VPS35L: variants seen among roughly 807,000 people sequenced by gnomAD.
VPS35L encodes VPS35 endosomal protein sorting factor like.
A neutral mutation model predicts 133.0 loss-of-function variants in VPS35L; 83 were observed. The ratio of observed to expected loss-of-function variants is 0.62; its 90% CI spans 0.52 to 0.75. The LOEUF is 0.75. VPS35L is among the 30% of genes least tolerant of loss of function. The pLI is 0.00. For synonymous variants in VPS35L, 423 were observed against 449.9 expected (o/e 0.94, Z 0.76); for missense variants, 1,083 against 1,206.8 (o/e 0.90, Z 1.52).
intron 27 of VPS35L, among the ~76,000 whole-genome samples, chr16:19,672,952 A>G (rs1361254452): frequency 6.6e-6 from 1 of 152,222 alleles, no homozygotes; most frequent in Non-Finnish European, 1.5e-5. Context: ...GTTAAAAATC[A>G]CTGGAGCCTT....
chr16:19,697,603 A>T (rs182187567), intron 29 of VPS35L, among the ~76,000 whole-genome samples: 1 of 152,208 alleles, frequency 6.6e-6, no homozygotes, highest in Admixed American at 6.5e-5. Context: ...CGCCATGTGA[A>T]TTATCTGTGG....
chr16:19,555,863 C>G, intron 1 of VPS35L, 117 bp downstream of exon 1: 3 of 1,397,830 alleles, frequency 2.1e-6, no homozygotes, highest in Non-Finnish European at 2.9e-6. Flanking sequence ...CGACCGGCCA[C>G]CCCCAAGTTG....
chr16:19,677,233 T>TTTTATATA (rs2151612955), intron 27 of VPS35L, among the ~76,000 whole-genome samples: 2 of 151,910 alleles, frequency 1.3e-5, no homozygotes, highest in African/African-American at 4.8e-5. Context: ...GCCTGGCTAA[T>TTTTATATA]TTTATTTATT....
intron 30 of VPS35L, among the ~76,000 whole-genome samples, chr16:19,700,056 C>T (rs554640913): frequency 7.9e-5 from 12 of 152,270 alleles, no homozygotes; most frequent in South Asian, 2.1e-4. Context: ...ATGATCACAC[C>T]GCTGCACTCC....
chr16:19,686,803 C>T (rs192469500), intron 28 of VPS35L, among the ~76,000 whole-genome samples: 60 of 152,234 alleles, frequency 3.9e-4, no homozygotes, highest in Admixed American at 1.4e-3. Context: ...CCCCTTTTCC[C>T]ACTTCTGCTA....
intron 26 of VPS35L, among the ~76,000 whole-genome samples, chr16:19,659,297 C>G (rs76862484): frequency 0.011 from 1,716 of 152,184 alleles, 18 homozygotes; most frequent in Non-Finnish European, 0.018. Flanking sequence ...AACACATGGG[C>G]TGAGCATGCT....
At chr16:19,564,782 T>A in intron 1 of VPS35L, 69 bp from the exon 2 acceptor site, 2 of 1,010,848 alleles carry the variant, frequency 2.0e-6, no homozygotes, top group Non-Finnish European at 3.1e-6. Flanking sequence ...ATTGAAGAAG[T>A]CTCATCAGAA....
At position 19,555,710 on chromosome 16, in the gene VPS35L, G is replaced by C. The variant is rs1419695397; in HGVS notation, c.-20G>C. 2 of 1,605,464 alleles carry C rather than the reference G, an allele frequency of 1.2e-6. No individual in the cohort carries two copies. The highest frequency in any genetic ancestry group is 2.2e-5 in the East Asian group (1 of 44,838). On this transcript the variant is annotated 5_prime_UTR_variant, in exon 1 of 31. Transcript: ENST00000417362. ...AGCCGAGCAGACGGCCCCAGAACAA[G>C]CGGTCATGTGACTGGGAAGATGGCC...
In VPS35L at chr16:19,684,183, A is replaced by G. The variant is rs16972309; in HGVS notation, c.2527+1793A>G. Among the ~76,000 whole-genome samples, 909 of 152,194 alleles carry G rather than the reference A, an allele frequency of 6.0e-3. 3 individuals are homozygous for G. Among genetic ancestry groups the G allele is most frequent in the African/African-American group, 0.02 (850 of 41,516 alleles). The stretch of plus-strand genomic sequence containing the variant: ...CCAGACATTTTGAACTTGCTAGTAC[A>G]AGTTGGGAGCAGCCTCCTCGTGTCC... On this transcript the variant is annotated intron_variant, in intron 28 of 30. Transcript: ENST00000417362.
chr16:19,661,262 G>GC (rs1345261923), intron 26 of VPS35L, among the ~76,000 whole-genome samples: 3 of 151,490 alleles, frequency 2.0e-5, no homozygotes, highest in Non-Finnish European at 2.9e-5. Flanking sequence ...TCTTCAAATG[G>GC]CCCCCCTCTA....
chr16:19,624,728 G>A (rs2151562430), intron 14 of VPS35L, among the ~76,000 whole-genome samples: 1 of 152,284 alleles, frequency 6.6e-6, no homozygotes, highest in Middle Eastern at 3.4e-3. Context: ...TTACAGGCAT[G>A]AGCCACCACC....
intron 8 of VPS35L, among the ~76,000 whole-genome samples, chr16:19,592,633 T>G (rs923564352): frequency 6.6e-6 from 1 of 151,960 alleles, no homozygotes; most frequent in African/African-American, 2.4e-5. Context: ...ATTCTTCGGT[T>G]CAGCCTCCTA....
chr16:19,671,468 CAAA>C (rs36049125), intron 27 of VPS35L, among the ~76,000 whole-genome samples: 2 of 134,242 alleles, frequency 1.5e-5, no homozygotes, highest in Non-Finnish European at 1.6e-5. Context: ...GACTCCATCT[CAAA>C]AAAAAAAAAA....
intron 8 of VPS35L, among the ~76,000 whole-genome samples, chr16:19,592,629 C>T (rs374759479): frequency 1.3e-5 from 2 of 151,828 alleles, no homozygotes; most frequent in Middle Eastern, 3.4e-3. Context: ...CCAGATTCTT[C>T]GGTTCAGCCT....
At chr16:19,582,655 A>T (rs960057404) in intron 7 of VPS35L, among the ~76,000 whole-genome samples, 1 of 152,214 alleles carries the variant, frequency 6.6e-6, no homozygotes, top group Non-Finnish European at 1.5e-5. Context: ...GTGAGAAACT[A>T]TCTGAACTAA....
chr16:19,595,527 C>T (rs921107372), intron 8 of VPS35L, among the ~76,000 whole-genome samples: 3 of 152,076 alleles, frequency 2.0e-5, no homozygotes, highest in African/African-American at 4.8e-5. Flanking sequence ...ACCTCTTGGC[C>T]GTCTGGTTCC....
intron 26 of VPS35L, among the ~76,000 whole-genome samples, chr16:19,664,971 C>T (rs182081247): frequency 6.6e-5 from 10 of 151,888 alleles, no homozygotes; most frequent in Admixed American, 3.9e-4. Flanking sequence ...AAGCCTAGTC[C>T]GTGTACTTGC....
chr16:19,600,344 T>G (rs1972343399), intron 8 of VPS35L, among the ~76,000 whole-genome samples: 2 of 152,162 alleles, frequency 1.3e-5, no homozygotes, highest in Admixed American at 1.3e-4. Flanking sequence ...AGGACTCTAA[T>G]TTTTTACTTC....
Position 19,633,028 on chromosome 16 carries a change from A to T in VPS35L, c.1555-64A>T. On this transcript the variant is annotated intron_variant, in intron 18 of 30. Coordinates refer to ENST00000417362, the MANE Select transcript of VPS35L (RefSeq NM_020314.7). The surrounding 1 kb of genome is among the most constrained non-coding windows in gnomAD (Gnocchi z 4.1). Reference sequence around the variant, plus strand: ...TCTGAATACGTTAGTCCTTTCCCCCAGGAACATGGTCAGCAGTTGCCATAC... The same window carrying T: ...TCTGAATACGTTAGTCCTTTCCCCCTGGAACATGGTCAGCAGTTGCCATAC... 7.8e-7 allele frequency: 1 copy of T among 1,282,716 alleles called. No homozygotes were observed. Among genetic ancestry groups the T allele is most frequent in the South Asian group, 1.2e-5 (1 of 84,030 alleles). The allele number at this position is 1,282,716 out of a possible 1,614,324, so 79.5% of individuals were successfully genotyped here. A position where few individuals can be genotyped will look rare whatever the true frequency, so the allele number is the denominator to read the frequency against.
Sources: gnomAD v4.1 joint callset for allele counts (sites outside exome capture counted in the v4.1 genomes callset) on GRCh38, gnomAD v4.1.1 for gene constraint, Gnocchi (gnomAD v3.1) non-coding constraint, MANE v1.5 for transcripts, NCBI Gene and HGNC (gene_info 2026-07-23, HGNC 2026-07-21) for gene names.